The following SYN3 variants were observed in gnomAD, a reference collection of about 807,000 sequenced individuals.
SYN3 encodes the protein synapsin-3.
Under a neutral mutation model 65.8 loss-of-function variants are expected in SYN3, and 35 were observed. The ratio of observed to expected loss-of-function variants is 0.53; its 90% CI spans 0.41 to 0.70. The LOEUF (loss-of-function observed/expected upper bound fraction) is 0.70. SYN3 is among the 30% of genes least tolerant of loss of function. The probability of loss-of-function intolerance (pLI) is 0.00; values close to 1 mark genes in which losing one functional copy is unlikely to be tolerated. For missense variants in SYN3, 680 were observed against 749.0 expected (o/e 0.91, Z 1.08); for synonymous variants, 270 against 292.9 (o/e 0.92, Z 0.80).
In SYN3 at chr22:32,735,897, A is replaced by C. The variant is rs1402505176; in HGVS notation, c.711+129018T>G. On this transcript the variant is annotated intron_variant, in intron 6 of 13. Coordinates refer to ENST00000358763, the MANE Select transcript of SYN3 (RefSeq NM_003490.4). ...AGCTTAAGCTGGCTGACCCGAGGGC[A>C]GAGAAAGGGACCAGGACTTGTGGAG... Among the ~76,000 whole-genome samples the C allele has an allele frequency of 2.0e-5, 3 of 152,228 alleles. No homozygotes were observed. The East Asian group carries it at 5.8e-4, about 29-fold the overall frequency.
chr22:32,647,695 G>A (rs546535881), intron 6 of SYN3, among the ~76,000 whole-genome samples: 4 of 152,060 alleles, frequency 2.6e-5, no homozygotes, highest in Admixed American at 1.3e-4. Context: ...TGAAACCTCC[G>A]CCTCCTGGGT....
At chr22:32,807,399 A>ATATTATATATAATATATAT (rs130273) in intron 6 of SYN3, among the ~76,000 whole-genome samples, 17 of 118,334 alleles carry the variant, frequency 1.4e-4, no homozygotes, top group African/African-American at 4.0e-4. Flanking sequence ...TATATAATAT[A>ATATTATATATAATATATAT]TATATATTAT....
intron 4 of SYN3, among the ~76,000 whole-genome samples, chr22:32,901,037 TGTG>T (rs1216878200): frequency 3.3e-5 from 5 of 152,076 alleles, no homozygotes; most frequent in Non-Finnish European, 2.9e-5. Context: ...GAGAGGAAAA[TGTG>T]GTGATGCAAA....
At chr22:32,747,738 T>C (rs902457990) in intron 6 of SYN3, among the ~76,000 whole-genome samples, 4 of 152,136 alleles carry the variant, frequency 2.6e-5, no homozygotes, top group Non-Finnish European at 5.9e-5. Context: ...ACGCAGTGAG[T>C]GGGTTCCAGC....
chr22:32,795,232 A>G (rs1266831979), intron 6 of SYN3, among the ~76,000 whole-genome samples: 2 of 152,252 alleles, frequency 1.3e-5, no homozygotes. Flanking sequence ...AGAAGCAGCA[A>G]TGCAAAGTTG....
intron 6 of SYN3, among the ~76,000 whole-genome samples, chr22:32,604,427 C>T (rs1007074259): frequency 6.6e-6 from 1 of 152,156 alleles, no homozygotes. Context: ...CTGAATGTGC[C>T]GCACTCCCTC....
chr22:33,045,049 G>A (rs2145949718), intron 1 of SYN3, among the ~76,000 whole-genome samples: 1 of 152,170 alleles, frequency 6.6e-6, no homozygotes, highest in East Asian at 1.9e-4. Flanking sequence ...CTCCATGTTG[G>A]TCAGGCTGTT....
intron 6 of SYN3, among the ~76,000 whole-genome samples, chr22:32,724,118 A>G (rs964844109): frequency 6.6e-6 from 1 of 152,256 alleles, no homozygotes; most frequent in Admixed American, 6.5e-5. Context: ...CAAGTCATCC[A>G]GCAAGGAGTG....
chr22:32,832,894 A>AT (rs893225242), intron 6 of SYN3, among the ~76,000 whole-genome samples: 6 of 150,390 alleles, frequency 4.0e-5, no homozygotes, highest in Admixed American at 2.0e-4. Context: ...TTCCCAGCTA[A>AT]TTTTTTTTTC....
At chr22:32,579,448 C>T (rs902372040) in intron 7 of SYN3, among the ~76,000 whole-genome samples, 6 of 152,196 alleles carry the variant, frequency 3.9e-5, no homozygotes, top group Non-Finnish European at 8.8e-5. Flanking sequence ...AAGGGAGCTC[C>T]CTCACACCTC....
chr22:32,741,492 A>G (rs926344005), intron 6 of SYN3, among the ~76,000 whole-genome samples: 1 of 151,168 alleles, frequency 6.6e-6, no homozygotes, highest in African/African-American at 2.4e-5. Flanking sequence ...AGTAGCTGGG[A>G]CTACAGGCGC....
At chr22:32,953,837 CCTT>C (rs951658266) in intron 3 of SYN3, among the ~76,000 whole-genome samples, 2 of 152,170 alleles carry the variant, frequency 1.3e-5, no homozygotes, top group African/African-American at 4.8e-5. Context: ...TCCCCCTCCT[CCTT>C]CTTCATCAAC....
chr22:32,851,033 C>T (rs2048204296), intron 6 of SYN3, among the ~76,000 whole-genome samples: 1 of 152,158 alleles, frequency 6.6e-6, no homozygotes, highest in Admixed American at 6.5e-5. Context: ...CAGCCCTGGC[C>T]AGTTGCCCTT....
At chr22:32,740,718 A>C (rs772941578) in intron 6 of SYN3, among the ~76,000 whole-genome samples, 1 of 152,184 alleles carries the variant, frequency 6.6e-6, no homozygotes, top group Non-Finnish European at 1.5e-5. Context: ...GCAGGCTCAG[A>C]TTTGAGTTCA....
chr22:32,790,725 C>T (rs933286055), intron 6 of SYN3, among the ~76,000 whole-genome samples: 1 of 151,990 alleles, frequency 6.6e-6, no homozygotes, highest in Non-Finnish European at 1.5e-5. Flanking sequence ...CTGTGCCCAG[C>T]CAAAATTTTA....
chr22:32,987,194 G>T (rs540245589), intron 2 of SYN3, among the ~76,000 whole-genome samples: 1 of 152,202 alleles, frequency 6.6e-6, no homozygotes, highest in East Asian at 1.9e-4. Flanking sequence ...CCCCCACTGG[G>T]GGTGGAGTGG....
intron 6 of SYN3, among the ~76,000 whole-genome samples, chr22:32,606,402 A>G (rs2059372823): frequency 6.6e-6 from 1 of 151,816 alleles, no homozygotes. Context: ...CATCTGACAG[A>G]CTCTCCTTGG....
chr22:32,823,609 C>G (rs144953569), intron 6 of SYN3, among the ~76,000 whole-genome samples: 135 of 152,266 alleles, frequency 8.9e-4, no homozygotes, highest in African/African-American at 3.1e-3. Context: ...GAAGCATTGC[C>G]AAGAGCAACT....
At chr22:32,666,517 T>C (rs2060292168) in intron 6 of SYN3, among the ~76,000 whole-genome samples, 1 of 152,068 alleles carries the variant, frequency 6.6e-6, no homozygotes, top group Admixed American at 6.5e-5. Flanking sequence ...TTGCTGGCCC[T>C]CTCCCTGGAA....
Sources: gnomAD v4.1 joint callset for allele counts (sites outside exome capture counted in the v4.1 genomes callset) on GRCh38, gnomAD v4.1.1 for gene constraint, MANE v1.5 for transcripts, NCBI Gene and HGNC (gene_info 2026-07-23, HGNC 2026-07-21) for gene names.